KCNH1: variants seen among roughly 807,000 people sequenced by gnomAD.
KCNH1 encodes the protein voltage-gated delayed rectifier potassium channel KCNH1.
KCNH1 carries 27 observed loss-of-function variants against 69.2 expected under a neutral mutation model. The observed-to-expected ratio is 0.39, with a 90% CI of 0.29 to 0.54. The LOEUF (loss-of-function observed/expected upper bound fraction) is 0.54, where lower values mean the gene tolerates loss of function less well. KCNH1 is among the 20% of genes least tolerant of loss of function. The pLI is 0.68. For missense variants in KCNH1, 798 were observed against 1,261.6 expected, an observed-to-expected ratio of 0.63 and a Z score of 5.57; for synonymous variants, 456 against 487.7, an observed-to-expected ratio of 0.93 and a Z score of 0.86.
At chr1:211,010,945 AG>A (rs1689379648) in intron 6 of KCNH1, among the ~76,000 whole-genome samples, 1 of 152,164 alleles carries the variant, frequency 6.6e-6, no homozygotes, top group Non-Finnish European at 1.5e-5. Context: ...CAGACACAGC[AG>A]CTGAGTGAGT....
chr1:211,115,177 CGA>C (rs1042274225), intron 1 of KCNH1, among the ~76,000 whole-genome samples: 3 of 152,046 alleles, frequency 2.0e-5, no homozygotes, highest in African/African-American at 7.2e-5. Flanking sequence ...TTAGTAGAGA[CGA>C]GGATTCACCA....
chr1:210,839,687 C>T (rs1211016870), intron 7 of KCNH1, among the ~76,000 whole-genome samples: 5 of 151,962 alleles, frequency 3.3e-5, no homozygotes, highest in Admixed American at 6.6e-5. Flanking sequence ...GGGAAAGTTC[C>T]CTGAGGGCTA....
chr1:210,720,370 A>G (rs527525100), intron 10 of KCNH1, among the ~76,000 whole-genome samples: 15 of 152,228 alleles, frequency 9.9e-5, no homozygotes, highest in Admixed American at 2.0e-4. Flanking sequence ...GTAAAGATTT[A>G]CATTGCATTG....
At chr1:210,708,560 C>T (rs957647411) in intron 10 of KCNH1, among the ~76,000 whole-genome samples, 1 of 152,072 alleles carries the variant, frequency 6.6e-6, no homozygotes, top group African/African-American at 2.4e-5. Context: ...GCTGATCACT[C>T]GAATTATATT....
At chr1:211,002,269 CAT>C (rs1320503404) in intron 6 of KCNH1, among the ~76,000 whole-genome samples, 1 of 146,640 alleles carries the variant, frequency 6.8e-6, no homozygotes, top group Non-Finnish European at 1.5e-5. Flanking sequence ...CACACACACA[CAT>C]ATATATACGT....
intron 10 of KCNH1, among the ~76,000 whole-genome samples, chr1:210,748,552 AC>A (rs781352107): frequency 6.6e-5 from 10 of 152,212 alleles, no homozygotes; most frequent in Non-Finnish European, 1.3e-4. Context: ...ACGTTATGGT[AC>A]TATGGAAGCT....
At chr1:210,901,655 AG>A (rs980713556) in intron 7 of KCNH1, among the ~76,000 whole-genome samples, 6 of 152,212 alleles carry the variant, frequency 3.9e-5, no homozygotes, top group African/African-American at 1.4e-4. Flanking sequence ...GAAAAGGTCC[AG>A]GGGCTGGAGA....
intron 10 of KCNH1, among the ~76,000 whole-genome samples, chr1:210,710,448 G>C (rs1682044033): frequency 6.6e-6 from 1 of 152,058 alleles, no homozygotes; most frequent in African/African-American, 2.4e-5. Context: ...TATACGAAGA[G>C]ATGTGCATTT....
intron 7 of KCNH1, chr1:210,859,515 T>C: frequency 6.2e-7 from 1 of 1,600,348 alleles, no homozygotes. Context: ...CATCTCCATC[T>C]TCACCTGCCT....
At chr1:210,815,792 G>A (rs1453722532) in intron 7 of KCNH1, among the ~76,000 whole-genome samples, 1 of 152,074 alleles carries the variant, frequency 6.6e-6, no homozygotes, top group Non-Finnish European at 1.5e-5. Flanking sequence ...ATCCCACCTG[G>A]GGCGCTTTTG....
At chr1:210,996,305 G>A (rs1257590487) in intron 6 of KCNH1, among the ~76,000 whole-genome samples, 5 of 152,320 alleles carry the variant, frequency 3.3e-5, no homozygotes, top group East Asian at 3.9e-4. Context: ...CTTTTCCAAC[G>A]GGCTTAAAAA....
intron 6 of KCNH1, among the ~76,000 whole-genome samples, chr1:210,929,251 T>C (rs1687635839): frequency 6.6e-6 from 1 of 152,136 alleles, no homozygotes. Context: ...CCAATATCCC[T>C]GATGAACATA....
chr1:210,786,729 A>T, intron 9 of KCNH1, among the ~76,000 whole-genome samples: 1 of 152,172 alleles, frequency 6.6e-6, no homozygotes, highest in Non-Finnish European at 1.5e-5. Flanking sequence ...CTAAAAATGG[A>T]ACTGGTCCTC....
intron 8 of KCNH1, among the ~76,000 whole-genome samples, chr1:210,803,308 G>T (rs1424652481): frequency 6.6e-6 from 1 of 152,024 alleles, no homozygotes; most frequent in Non-Finnish European, 1.5e-5. Context: ...TCCCCATGTT[G>T]CCAGGCTGGT....
intron 5 of KCNH1, among the ~76,000 whole-genome samples, chr1:211,044,921 G>T (rs114873079): frequency 1.8e-3 from 271 of 151,598 alleles, no homozygotes; most frequent in Non-Finnish European, 3.0e-3. Flanking sequence ...CAGAGGAAAA[G>T]AAGTCATTAT....
chr1:210,993,278 A>G (rs1688967213), intron 6 of KCNH1, among the ~76,000 whole-genome samples: 1 of 152,188 alleles, frequency 6.6e-6, no homozygotes, highest in Non-Finnish European at 1.5e-5. Context: ...ACCATCTCAT[A>G]TCACCCACTA....
At position 210,859,923 on chromosome 1, in the gene KCNH1, A is replaced by G. The variant is rs376959046; in HGVS notation, c.1463-55757T>C. The G allele has an allele frequency of 9.7e-5, 143 of 1,468,300 alleles. No homozygotes were observed. In the East Asian group the frequency reaches 1.8e-3, roughly 18 times the overall value. 91.0% of individuals were successfully genotyped at this position (1,468,300 alleles called of 1,614,324 possible). ...GTATGCATTATAATGTAAAGCTGCA[A>G]TTGCAACTTGCATACCCATAGTTCA... On this transcript the variant is annotated intron_variant, in intron 7 of 10. Transcript: ENST00000271751.
At chr1:211,115,095 T>G (rs560466911) in intron 1 of KCNH1, among the ~76,000 whole-genome samples, 4 of 152,220 alleles carry the variant, frequency 2.6e-5, no homozygotes, top group African/African-American at 9.6e-5. Flanking sequence ...TTCAAGCAAT[T>G]CTCCTGCCTC....
intron 3 of KCNH1, among the ~76,000 whole-genome samples, chr1:211,097,729 G>T (rs1288154359): frequency 6.6e-6 from 1 of 152,194 alleles, no homozygotes. Flanking sequence ...TAATCAATAT[G>T]TACCTGGCCA....
Sources: gnomAD v4.1 joint callset for allele counts (sites outside exome capture counted in the v4.1 genomes callset) on GRCh38, gnomAD v4.1.1 for gene constraint, MANE v1.5 for transcripts, NCBI Gene and HGNC (gene_info 2026-07-23, HGNC 2026-07-21) for gene names.